The following IGF2BP1 variants were observed in gnomAD, a reference collection of about 807,000 sequenced individuals.
IGF2BP1 encodes the protein insulin-like growth factor 2 mRNA-binding protein 1.
Under a neutral mutation model 74.9 loss-of-function variants are expected in IGF2BP1, and 11 were observed. That is an observed-to-expected ratio of 0.15 (90% CI 0.09 to 0.24). IGF2BP1 has a LOEUF of 0.24. IGF2BP1 is among the 10% of genes least tolerant of loss of function. The pLI is 1.00. For missense variants in IGF2BP1, 440 were observed against 757.4 expected, an observed-to-expected ratio of 0.58 and a Z score of 4.92; for synonymous variants, 287 against 281.8, an observed-to-expected ratio of 1.02 and a Z score of -0.18.
At chr17:49,010,172 T>G (rs959474854) in intron 2 of IGF2BP1, among the ~76,000 whole-genome samples, 1 of 152,146 alleles carries the variant, frequency 6.6e-6, no homozygotes, top group East Asian at 1.9e-4. Context: ...TCTTGCAAAA[T>G]TGAAACTCTG....
intron 4 of IGF2BP1, among the ~76,000 whole-genome samples, chr17:49,028,154 G>A (rs957619538): frequency 6.6e-6 from 1 of 152,132 alleles, no homozygotes; most frequent in African/African-American, 2.4e-5. Context: ...GCAAGACTCT[G>A]TATTGTCTCA....
In IGF2BP1 at chr17:48,997,908, G is replaced by C; in HGVS notation, c.163G>C (p.Glu55Gln). The C allele has an allele frequency of 1.2e-6, 2 of 1,613,774 alleles. No individual in the cohort carries two copies. The highest frequency in any genetic ancestry group is 1.7e-6 in the Non-Finnish European group (2 of 1,179,880). The change falls in exon 1 of 15, where the codon GAA becomes CAA. Residue 55 changes from glutamate (E) to glutamine (Q), a missense_variant. This residue lies in a region of IGF2BP1 where 105 missense variants were observed against 199.4 expected (regional missense o/e 0.53). Coordinates refer to ENST00000290341, the MANE Select transcript of IGF2BP1 (RefSeq NM_006546.4). The surrounding 1 kb of genome is among the most constrained non-coding windows in gnomAD (Gnocchi z 4.8). Reference protein sequence around the residue: ...PDEHWAMKAIETFSGKVELQG... With the variant: ...PDEHWAMKAIQTFSGKVELQG... ...CGAGCACTGGGCGATGAAGGCCATCGAAACTTTCTCCGGTAAGAACACAGC... is the reference window on the plus strand; with the variant it reads ...CGAGCACTGGGCGATGAAGGCCATCCAAACTTTCTCCGGTAAGAACACAGC...
intron 5 of IGF2BP1, among the ~76,000 whole-genome samples, chr17:49,034,115 CTTT>C (rs762314265): frequency 5.1e-5 from 6 of 118,398 alleles, no homozygotes; most frequent in African/African-American, 1.0e-4. Context: ...TGATTTGCCC[CTTT>C]TTTTTTTTTT....
At chr17:49,000,125 C>T (rs1456470795) in intron 2 of IGF2BP1, among the ~76,000 whole-genome samples, 1 of 152,104 alleles carries the variant, frequency 6.6e-6, no homozygotes, top group African/African-American at 2.4e-5. Flanking sequence ...TTTCTACTTT[C>T]TCAAATCAGA....
At chr17:49,039,157 T>C (rs898451632) in intron 6 of IGF2BP1, among the ~76,000 whole-genome samples, 4 of 152,174 alleles carry the variant, frequency 2.6e-5, no homozygotes, top group African/African-American at 9.7e-5. Context: ...ATTAAAGGCG[T>C]GAGCTACCAC....
intron 14 of IGF2BP1, among the ~76,000 whole-genome samples, chr17:49,046,825 T>G (rs1026424621): frequency 2.6e-5 from 4 of 152,130 alleles, no homozygotes; most frequent in African/African-American, 7.2e-5. Flanking sequence ...GCAGAATGGC[T>G]GTTCTCTCCC....
At chr17:49,023,920 C>CA (rs1332065787) in intron 2 of IGF2BP1, among the ~76,000 whole-genome samples, 1 of 138,430 alleles carries the variant, frequency 7.2e-6, no homozygotes, top group Non-Finnish European at 1.6e-5. Flanking sequence ...GGAAAACTAC[C>CA]TTTTTTTTTT....
chr17:49,040,177 A>G, intron 7 of IGF2BP1, 86 bp downstream of exon 7: 1 of 1,392,832 alleles, frequency 7.2e-7, no homozygotes, highest in East Asian at 2.3e-5. Context: ...TTATACAGAC[A>G]TATAAGAAAT....
chr17:49,003,546 A>G (rs896561978), intron 2 of IGF2BP1, among the ~76,000 whole-genome samples: 1 of 152,120 alleles, frequency 6.6e-6, no homozygotes, highest in Admixed American at 6.6e-5. Flanking sequence ...GAATAAGTTT[A>G]TGAACCAAAG....
At chr17:49,019,906 A>T (rs1262723716) in intron 2 of IGF2BP1, among the ~76,000 whole-genome samples, 57 of 14,824 alleles carry the variant, frequency 3.8e-3, no homozygotes, top group African/African-American at 0.027. Context: ...TGGCTAATTT[A>T]TATATATATA....
At chr17:49,022,376 A>G (rs1405026033) in intron 2 of IGF2BP1, among the ~76,000 whole-genome samples, 4 of 152,168 alleles carry the variant, frequency 2.6e-5, no homozygotes, top group Non-Finnish European at 4.4e-5. Context: ...CTTAAAAGAC[A>G]AAGGTTCTTC....
At chr17:49,024,083 ATTTTTTTTTTTTTTT>A (rs765273098) in intron 2 of IGF2BP1, among the ~76,000 whole-genome samples, 8 of 78,094 alleles carry the variant, frequency 1.0e-4, no homozygotes, top group African/African-American at 3.9e-4. Context: ...CACCCTGCTA[ATTTTTTTTTTTTTTT>A]TTTTTTTTTT....
intron 2 of IGF2BP1, among the ~76,000 whole-genome samples, chr17:49,013,342 G>T (rs1035050822): frequency 6.6e-6 from 1 of 152,114 alleles, no homozygotes; most frequent in East Asian, 1.9e-4. Context: ...TTCTCTGCGG[G>T]TTCCGAAGGC....
intron 1 of IGF2BP1, among the ~76,000 whole-genome samples, chr17:48,998,277 C>T (rs923648526): frequency 5.3e-5 from 8 of 152,170 alleles, no homozygotes; most frequent in Non-Finnish European, 1.0e-4. Flanking sequence ...CACGCCCAGC[C>T]CCTCCCTATC....
At position 49,055,847 on chromosome 17, in the gene IGF2BP1, T is replaced by G. The variant is rs1487430858; in HGVS notation, c.*6403T>G. 8.6e-5 allele frequency among the ~76,000 whole-genome samples: 13 copies of G among 151,028 alleles called. 1 individual carries two copies. The highest frequency in any genetic ancestry group is 1.8e-4 in the Non-Finnish European group (12 of 67,816). ...TACTGCTTGGGACAGTTTTTTTTTTTTTTTTTTTTTTAAATATGAGTGCTA... is the reference window on the plus strand; with the variant it reads ...TACTGCTTGGGACAGTTTTTTTTTTGTTTTTTTTTTTAAATATGAGTGCTA... On this transcript the variant is annotated 3_prime_UTR_variant, in exon 15 of 15. Coordinates refer to ENST00000290341, the MANE Select transcript of IGF2BP1 (RefSeq NM_006546.4).
At chr17:49,029,340 C>T (rs1022768590) in intron 4 of IGF2BP1, among the ~76,000 whole-genome samples, 4 of 152,208 alleles carry the variant, frequency 2.6e-5, no homozygotes, top group South Asian at 4.2e-4. Context: ...TGGGGCCTAG[C>T]GTGGTGGCTC....
At chr17:49,022,647 A>G (rs1379575101) in intron 2 of IGF2BP1, among the ~76,000 whole-genome samples, 1 of 152,002 alleles carries the variant, frequency 6.6e-6, no homozygotes, top group Non-Finnish European at 1.5e-5. Flanking sequence ...ATTCCAGACG[A>G]TCTGCCTGCC....
At position 49,025,610 on chromosome 17, in the gene IGF2BP1, A is replaced by G. The variant is rs2041842770; in HGVS notation, c.237-8A>G. ...CTTTCTTTAACTCTGCTCCCCCTTT[A>G]CTTTCAGGAGCCGGAAAATTCAAAT... On this transcript the variant is annotated splice_region_variant and splice_polypyrimidine_tract_variant and intron_variant, in intron 2 of 14. Transcript: ENST00000290341. 6.2e-7 allele frequency: 1 copy of G among 1,612,238 alleles called. No individual in the cohort carries two copies. The highest frequency in any genetic ancestry group is 2.2e-5 in the East Asian group (1 of 44,874).
chr17:48,996,870 C>T (rs926019643), upstream of IGF2BP1, among the ~76,000 whole-genome samples: 1 of 151,190 alleles, frequency 6.6e-6, no homozygotes, highest in East Asian at 1.9e-4. Flanking sequence ...AGGCGGAGAC[C>T]CCCCCCATTT....
Sources: allele counts gnomAD v4.1 joint callset (sites outside exome capture counted in the v4.1 genomes callset), GRCh38; gene constraint gnomAD v4.1.1; regional missense constraint gnomAD v4.1.1; non-coding constraint Gnocchi (gnomAD v3.1); transcripts MANE v1.5; gene names NCBI Gene and HGNC (gene_info 2026-07-23, HGNC 2026-07-21).